KLRC2: variants seen among roughly 807,000 people sequenced by gnomAD.
KLRC2 encodes the protein NKG2-C type II integral membrane protein.
Under a neutral mutation model 25.5 loss-of-function variants are expected in KLRC2, and 10 were observed. The observed-to-expected ratio is 0.39, with a 90% CI of 0.24 to 0.67. The LOEUF (loss-of-function observed/expected upper bound fraction) is 0.67. KLRC2 is among the 30% of genes least tolerant of loss of function. KLRC2 has a pLI of 0.45. For synonymous variants in KLRC2, 48 were observed against 93.3 expected (o/e 0.51, Z 2.80); for missense variants, 170 against 272.8 (o/e 0.62, Z 2.65).
rs760284668 is a variant in KLRC2 at position 10,433,817 on chromosome 12, G to C, written c.457C>G (p.Leu153Val). ...LACTSKNSSL[L>V]SIDNEEEMKF... is the part of the protein sequence containing the mutation. ...ATTTCTTCTTCATTATCTATAGAAA[G>C]CAGACTGGAGTTCTTCGAAGTACAG... is the stretch of plus-strand genomic sequence containing the variant. Residue 153 changes from leucine (L) to valine (V), a missense_variant, in exon 4 of 6, where the codon CTT becomes GTT. Physicochemically the swap from Leu to Val is conservative, Grantham distance 32 (BLOSUM62 1). This residue lies in a region of KLRC2 where 129 missense variants were observed against 150.2 expected (regional missense o/e 0.86). Coordinates refer to ENST00000381902, the MANE Select transcript of KLRC2 (RefSeq NM_002260.4). 1.6e-5 allele frequency: 25 copies of C among 1,549,484 alleles called. 5 individuals are homozygous for C. The highest frequency in any genetic ancestry group is 1.6e-5 in the Non-Finnish European group (18 of 1,135,822).
rs1418466621 is a variant in KLRC2, at chr12:10,433,236, T to G, written c.483+555A>C. 4.9e-5 allele frequency among the ~76,000 whole-genome samples: 7 copies of G among 142,180 alleles called. 1 individual carries two copies. Among genetic ancestry groups the G allele is most frequent in the African/African-American group, 1.9e-4 (7 of 37,204 alleles). 93.3% of individuals were successfully genotyped at this position (142,180 alleles called of 152,430 possible). ...CATAGTACAGCAGTGAACAGTAACA[T>G]ACTACTGATAACTGCAATAATATGG... On this transcript the variant is annotated intron_variant, in intron 4 of 5. Coordinates refer to ENST00000381902, the MANE Select transcript of KLRC2 (RefSeq NM_002260.4).
intron 5 of KLRC2, among the ~76,000 whole-genome samples, chr12:10,431,777 ATTTT>A (rs142647914): frequency 8.3e-6 from 1 of 120,880 alleles, no homozygotes. Context: ...ACATTCTGTG[ATTTT>A]TTTTTTTTTT....
chr12:10,434,159 T>G (rs1565507411), intron 3 of KLRC2: 1 of 817,460 alleles, frequency 1.2e-6, no homozygotes. Flanking sequence ...ATAAAGCAAA[T>G]GAACAAACAA....
rs758684971 is a variant in KLRC2, at chr12:10,432,986, A to T, written c.484-780T>A. Among the ~76,000 whole-genome samples the T allele has an allele frequency of 1.3e-4, 18 of 140,466 alleles. 5 individuals are homozygous for T. The highest frequency in any genetic ancestry group is 2.2e-4 in the Non-Finnish European group (14 of 64,258). 92.2% of individuals were successfully genotyped at this position (140,466 alleles called of 152,430 possible). ...ACCAGGCAAGGCTGGTGCCACTGGC[A>T]AGGATGATCTACCAGGAGACCTGCT... On this transcript the variant is annotated intron_variant, in intron 4 of 5. Coordinates refer to ENST00000381902, the MANE Select transcript of KLRC2 (RefSeq NM_002260.4).
In KLRC2 at chr12:10,435,754, T is replaced by C. The variant is rs377697161; in HGVS notation, c.187+46A>G. 2.0e-5 allele frequency: 30 copies of C among 1,518,902 alleles called. 3 individuals carry two copies. The highest frequency in any genetic ancestry group is 2.5e-5 in the Non-Finnish European group (28 of 1,112,346). 94.1% of individuals were successfully genotyped at this position (1,518,902 alleles called of 1,614,324 possible). On this transcript the variant is annotated intron_variant, in intron 1 of 5. Transcript: ENST00000381902. ...CTTTCCTCACCCTTCTGCATTCAAC[T>C]GCACATCCTAGAACAATAATATTGA...
At position 10,431,012 on chromosome 12, in the gene KLRC2, C is replaced by T. The variant is rs3003; in HGVS notation, c.*105G>A. Reference sequence around the variant, plus strand: ...AATAATTGATTTAGAATTTTTGTATCAGAGCAAATAACATAATTCATTTTC... The same window carrying T: ...AATAATTGATTTAGAATTTTTGTATTAGAGCAAATAACATAATTCATTTTC... On this transcript the variant is annotated 3_prime_UTR_variant, in exon 6 of 6. Transcript: ENST00000381902. 900,185 of 1,134,292 alleles carry T rather than the reference C, an allele frequency of 0.79. 382,273 individuals are homozygous for T. The highest frequency in any genetic ancestry group is 0.84 in the Non-Finnish European group (702,972 of 836,734). 70.3% of individuals were successfully genotyped at this position (1,134,292 alleles called of 1,614,324 possible). A position where few individuals can be genotyped will look rare whatever the true frequency, so the allele number is the denominator to read the frequency against.
At chr12:10,431,287 A>G in intron 5 of KLRC2, 59 bp from the exon 6 acceptor site, 1 of 1,501,360 alleles carries the variant, frequency 6.7e-7, no homozygotes, top group Non-Finnish European at 9.1e-7. Context: ...CATGAGACGA[A>G]AGCATTTTCC....
At chr12:10,431,410 A>T in intron 5 of KLRC2, 182 bp from the exon 6 acceptor site, 1 of 716,822 alleles carries the variant, frequency 1.4e-6, no homozygotes, top group East Asian at 3.6e-5. Context: ...TCCACGAGGG[A>T]TATGTTTCAA....
chr12:10,431,054 A>G lies in KLRC2; in HGVS notation c.*63T>C. On this transcript the variant is annotated 3_prime_UTR_variant, in exon 6 of 6. Transcript: ENST00000381902. ...TTCATTTTCAGATTTATGCAATCATAATATTTCTATTTTAAGAAATATAAA... is the reference window on the plus strand; with the variant it reads ...TTCATTTTCAGATTTATGCAATCATGATATTTCTATTTTAAGAAATATAAA... 1 of 1,238,678 alleles carries G rather than the reference A, an allele frequency of 8.1e-7. No homozygotes were observed. The highest frequency in any genetic ancestry group is 1.1e-6 in the Non-Finnish European group (1 of 893,754). 76.7% of individuals were successfully genotyped at this position (1,238,678 alleles called of 1,614,324 possible). A position where few individuals can be genotyped will look rare whatever the true frequency, so the allele number is the denominator to read the frequency against.
At chr12:10,435,708 A>T in intron 1 of KLRC2, 92 bp downstream of exon 1, 1 of 1,351,970 alleles carries the variant, frequency 7.4e-7, no homozygotes, top group Non-Finnish European at 1.0e-6. Context: ...CGATTCTCAC[A>T]AGTGCAAAAT....
intron 4 of KLRC2, 49 bp downstream of exon 4, chr12:10,433,742 T>A: frequency 6.7e-7 from 1 of 1,497,132 alleles, no homozygotes; most frequent in Non-Finnish European, 9.2e-7. Flanking sequence ...AAATGTATTA[T>A]TCACTGAAGG....
Position 10,434,192 on chromosome 12 carries a change from G to C in KLRC2, c.332-250C>G, listed in dbSNP as rs1357871803. The C allele has an allele frequency of 1.4e-5, 9 of 663,052 alleles. 2 individuals carry two copies. The African/African-American group carries it at 1.8e-4, about 13-fold the overall frequency. 41.1% of individuals were successfully genotyped at this position (663,052 alleles called of 1,614,324 possible). ...CAAAAATACACTCTACACATGTGTTGAACATCGCTGATACACAACTGCTTT... is the reference window on the plus strand; with the variant it reads ...CAAAAATACACTCTACACATGTGTTCAACATCGCTGATACACAACTGCTTT... On this transcript the variant is annotated intron_variant, in intron 3 of 5. Transcript: ENST00000381902.
In KLRC2 at chr12:10,431,115, T is replaced by C. The variant is rs777315709; in HGVS notation, c.*2A>G. On this transcript the variant is annotated 3_prime_UTR_variant, in exon 6 of 6. Transcript: ENST00000381902. ...TGCACTGCAAACGCAAATGCTTTAC[T>C]TCTAAAGCTTATGCTTACAATGATA... 6.7e-7 allele frequency: 1 copy of C among 1,495,264 alleles called. No homozygotes were observed. Among genetic ancestry groups the C allele is most frequent in the East Asian group, 2.4e-5 (1 of 41,686 alleles). 92.6% of individuals were successfully genotyped at this position (1,495,264 alleles called of 1,614,324 possible).
chr12:10,434,830 AT>A (rs1863853242), intron 2 of KLRC2, among the ~76,000 whole-genome samples: 1 of 151,824 alleles, frequency 6.6e-6, no homozygotes, highest in Admixed American at 6.6e-5. Flanking sequence ...ATCAGAAAAT[AT>A]CTTTGTGTGT....
chr12:10,435,096 A>C, intron 2 of KLRC2: 1 of 1,021,858 alleles, frequency 9.8e-7, no homozygotes, highest in Non-Finnish European at 1.4e-6. Context: ...ATAAACCATA[A>C]TGAGTTTAGT....
Position 10,431,093 on chromosome 12 carries a change from A to G in KLRC2, c.*24T>C. On this transcript the variant is annotated 3_prime_UTR_variant, in exon 6 of 6. Coordinates refer to ENST00000381902, the MANE Select transcript of KLRC2 (RefSeq NM_002260.4). ...AAGAAATATAAAATGTATCTGATGC[A>G]CTGCAAACGCAAATGCTTTACTTCT... 1 of 1,377,100 alleles carries G rather than the reference A, an allele frequency of 7.3e-7. No individual in the cohort carries two copies. The highest frequency in any genetic ancestry group is 1.2e-5 in the South Asian group (1 of 83,394). 85.3% of individuals were successfully genotyped at this position (1,377,100 alleles called of 1,614,324 possible).
intron 4 of KLRC2, among the ~76,000 whole-genome samples, chr12:10,433,514 C>A (rs1164060828): frequency 7.1e-6 from 1 of 141,536 alleles, no homozygotes; most frequent in Non-Finnish European, 1.5e-5. Flanking sequence ...ATCTGCATGA[C>A]CAGATGATAT....
chr12:10,434,160 G>C (rs1474639249), intron 3 of KLRC2: 2 of 815,090 alleles, frequency 2.5e-6, no homozygotes, highest in Non-Finnish European at 3.8e-6. Context: ...TAAAGCAAAT[G>C]AACAAACAAA....
rs1216412968 is a variant in KLRC2, at chr12:10,430,936, G to A, written c.*181C>T. 9 of 1,176,020 alleles carry A rather than the reference G, an allele frequency of 7.7e-6. 1 individual carries two copies. Among genetic ancestry groups the A allele is most frequent in the Non-Finnish European group, 8.8e-6 (8 of 905,222 alleles). 72.8% of individuals were successfully genotyped at this position (1,176,020 alleles called of 1,614,324 possible). A position where few individuals can be genotyped will look rare whatever the true frequency, so the allele number is the denominator to read the frequency against. On this transcript the variant is annotated 3_prime_UTR_variant, in exon 6 of 6. Coordinates refer to ENST00000381902, the MANE Select transcript of KLRC2 (RefSeq NM_002260.4). ...ATACCATGTTGAGCAAAATGAGCCC[G>A]ACACAAATGCTAGGATGTCTGTACT...
Sources: allele counts gnomAD v4.1 joint callset (sites outside exome capture counted in the v4.1 genomes callset), GRCh38; gene constraint gnomAD v4.1.1; regional missense constraint gnomAD v4.1.1; transcripts MANE v1.5; gene names NCBI Gene and HGNC (gene_info 2026-07-23, HGNC 2026-07-21).